GLG1: variants seen among roughly 807,000 people sequenced by gnomAD.
GLG1 encodes the protein golgi glycoprotein 1.
In GLG1, 38 loss-of-function variants were observed where a neutral mutation model predicts 160.5. The ratio of observed to expected loss-of-function variants is 0.24; its 90% confidence interval spans 0.18 to 0.31. The LOEUF is 0.31. Among genes scored for constraint, GLG1 ranks in the 10% least tolerant of loss-of-function variants. The pLI is 1.00. For missense variants in GLG1, 1,373 were observed against 1,505.2 expected (o/e 0.91, Z 1.45); for synonymous variants, 644 against 543.4 (o/e 1.19, Z -2.57).
At chr16:74,533,149 T>C (rs2017592169) in intron 1 of GLG1, among the ~76,000 whole-genome samples, 1 of 151,836 alleles carries the variant, frequency 6.6e-6, no homozygotes, top group Non-Finnish European at 1.5e-5. Context: ...TGAAACCCTG[T>C]CCCTACTAAA....
At chr16:74,516,097 A>G (rs1429902224) in intron 2 of GLG1, among the ~76,000 whole-genome samples, 1 of 151,656 alleles carries the variant, frequency 6.6e-6, no homozygotes, top group Admixed American at 6.6e-5. Flanking sequence ...CTCTCACACA[A>G]TAATAATGGG....
chr16:74,597,970 C>A (rs1022345452), intron 1 of GLG1, among the ~76,000 whole-genome samples: 6 of 151,864 alleles, frequency 4.0e-5, no homozygotes, highest in African/African-American at 1.5e-4. Context: ...GAGCTGAGAT[C>A]ACACCACTGC....
At chr16:74,575,589 C>T (rs1031932226) in intron 1 of GLG1, among the ~76,000 whole-genome samples, 8 of 152,060 alleles carry the variant, frequency 5.3e-5, no homozygotes, top group African/African-American at 1.2e-4. Flanking sequence ...AAAGATCTCT[C>T]GCTCTGTTTT....
In GLG1 at chr16:74,459,798, G is replaced by C; in HGVS notation, c.3037-9C>G. 1 of 1,482,122 alleles carries C rather than the reference G, an allele frequency of 6.7e-7. No individual in the cohort carries two copies. Among genetic ancestry groups the C allele is most frequent in the African/African-American group, 1.4e-5 (1 of 70,790 alleles). 91.8% of individuals were successfully genotyped at this position (1,482,122 alleles called of 1,614,324 possible). ...GCACATAGACTGGAGATCTGTTCAG[G>C]AGACACAAAAAACAAAGCTACCCCA... On this transcript the variant is annotated splice_polypyrimidine_tract_variant and intron_variant, in intron 22 of 25. Transcript: ENST00000422840.
rs930464917 is a variant in GLG1, at chr16:74,503,232, G to A, written c.774+299C>T. 6.3e-4 allele frequency among the ~76,000 whole-genome samples: 95 copies of A among 151,906 alleles called. 3 individuals carry two copies. The highest frequency in any genetic ancestry group is 1.3e-4 in the Non-Finnish European group (9 of 67,960). ...AAAAAAAAAATATTAGAGAACTCAG[G>A]TCTCTCCTTTGCCAGAGGCACATTA... On this transcript the variant is annotated intron_variant, in intron 4 of 25. Transcript: ENST00000422840.
intron 23 of GLG1, among the ~76,000 whole-genome samples, chr16:74,459,301 C>A (rs1020468023): frequency 2.6e-5 from 4 of 152,016 alleles, no homozygotes; most frequent in Non-Finnish European, 4.4e-5. Context: ...ACACAGTGAA[C>A]CCCCGTCTCT....
rs528668573 is a variant in GLG1 at position 74,460,149 on chromosome 16, G to A, written c.3037-360C>T. On this transcript the variant is annotated intron_variant, in intron 22 of 25. Transcript: ENST00000422840. ...TGATTCTCCTGCCTCAGCCTCCTGA[G>A]TAGCTGGAATTACAGGTATGTACCA... is the stretch of plus-strand genomic sequence containing the variant. 1.4e-4 allele frequency among the ~76,000 whole-genome samples: 21 copies of A among 152,164 alleles called. No homozygotes were observed. In the South Asian group the frequency reaches 4.2e-3, roughly 30 times the overall value.
At position 74,506,581 on chromosome 16, in the gene GLG1, C is replaced by CAAAAAAAAAAAAAAAA. The variant is rs56175030; in HGVS notation, c.558+2242_558+2257dup. 3.1e-4 allele frequency among the ~76,000 whole-genome samples: 12 copies of CAAAAAAAAAAAAAAAA among 39,050 alleles called. 1 individual carries two copies. The highest frequency in any genetic ancestry group is 6.6e-4 in the African/African-American group (6 of 9,100). The allele number at this position is 39,050 out of a possible 152,430, so 25.6% of individuals were successfully genotyped here. A position where few individuals can be genotyped will look rare whatever the true frequency, so the allele number is the denominator to read the frequency against. ...TGGGTTACAGAGCAAGACTCCGTCTCAAAAAAAAAAAAAAAAAAAAAAACT... is the reference window on the plus strand; with the variant it reads ...TGGGTTACAGAGCAAGACTCCGTCTCAAAAAAAAAAAAAAAAAAAAAAAAAAAAAAAAAAAAAAACT... On this transcript the variant is annotated intron_variant, in intron 3 of 25. Coordinates refer to ENST00000422840, the MANE Select transcript of GLG1 (RefSeq NM_001145667.2).
chr16:74,474,994 TA>T, intron 12 of GLG1, among the ~76,000 whole-genome samples: 1 of 151,698 alleles, frequency 6.6e-6, no homozygotes, highest in East Asian at 1.9e-4. Context: ...CCATCCCTAC[TA>T]AAAATACAAA....
intron 23 of GLG1, 120 bp from the exon 24 acceptor site, chr16:74,458,114 C>G: frequency 1.1e-6 from 1 of 937,500 alleles, no homozygotes; most frequent in Non-Finnish European, 1.7e-6. Context: ...ACAACAGAGA[C>G]CACTTTGGGA....
intron 1 of GLG1, among the ~76,000 whole-genome samples, chr16:74,572,236 C>A (rs2018849609): frequency 6.6e-6 from 1 of 152,144 alleles, no homozygotes; most frequent in African/African-American, 2.4e-5. Context: ...AGGGGCTGGG[C>A]ACGGTGGCTC....
At chr16:74,517,306 T>A (rs563852142) in intron 2 of GLG1, among the ~76,000 whole-genome samples, 2 of 152,326 alleles carry the variant, frequency 1.3e-5, no homozygotes, top group Non-Finnish European at 2.9e-5. Flanking sequence ...CTCAATAAAA[T>A]ACTGGCAAAC....
chr16:74,563,738 A>G (rs575191424), intron 1 of GLG1, among the ~76,000 whole-genome samples: 1 of 151,804 alleles, frequency 6.6e-6, no homozygotes, highest in African/African-American at 2.4e-5. Context: ...AAAAAAAAAA[A>G]AAGAAAGAAA....
intron 25 of GLG1, among the ~76,000 whole-genome samples, chr16:74,454,688 A>C (rs1567451868): frequency 2.8e-5 from 4 of 144,084 alleles, no homozygotes; most frequent in Non-Finnish European, 4.5e-5. Flanking sequence ...AAAAAAAAAA[A>C]AAAAAAAAAA....
chr16:74,542,719 A>AGGAAGGG (rs1567513862), intron 1 of GLG1, among the ~76,000 whole-genome samples: 7 of 29,018 alleles, frequency 2.4e-4, no homozygotes, highest in Admixed American at 4.3e-4. Context: ...GGAAGAAGGG[A>AGGAAGGG]AGGAAGGAAG....
chr16:74,563,981 T>C (rs978752380), intron 1 of GLG1, among the ~76,000 whole-genome samples: 2 of 152,172 alleles, frequency 1.3e-5, no homozygotes, highest in African/African-American at 4.8e-5. Context: ...CGGACTGCAG[T>C]GGCTCAATCA....
chr16:74,452,013 A>C lies in GLG1; in HGVS notation c.*1154T>G, dbSNP rs2014328488. 7.2e-7 allele frequency: 1 copy of C among 1,394,836 alleles called. No homozygotes were observed. Among genetic ancestry groups the C allele is most frequent in the Admixed American group, 1.7e-5 (1 of 59,736 alleles). 86.4% of individuals were successfully genotyped at this position (1,394,836 alleles called of 1,614,324 possible). ...CCACACCCTCTCCACGTAGAGGCAC[A>C]AAGGAGCTTGTCTGGGAAGTTTGTC... On this transcript the variant is annotated 3_prime_UTR_variant, in exon 26 of 26. Coordinates refer to ENST00000422840, the MANE Select transcript of GLG1 (RefSeq NM_001145667.2).
In GLG1 at chr16:74,474,573, A is replaced by G. The variant is rs774918458; in HGVS notation, c.2025T>C (p.Val675=). The change falls in exon 13 of 26, where the codon GTT becomes GTC. Residue 675 remains valine (V), a synonymous_variant. Coordinates refer to ENST00000422840, the MANE Select transcript of GLG1 (RefSeq NM_001145667.2). ...CTGATTCTAACTCAGTGAGGTTGCC[A>G]ACTATATCTCTACACTCCACCACCA... ...DDLVVECRDI[V]GNLTELESED... 6.4e-7 allele frequency: 1 copy of G among 1,572,926 alleles called. No individual in the cohort carries two copies. The highest frequency in any genetic ancestry group is 2.2e-5 in the East Asian group (1 of 44,734).
chr16:74,530,080 A>G (rs985742023), intron 2 of GLG1, among the ~76,000 whole-genome samples: 2 of 152,086 alleles, frequency 1.3e-5, no homozygotes, highest in Non-Finnish European at 2.9e-5. Context: ...CTGGGATTAC[A>G]GGTGTGGACT....
Sources: allele counts gnomAD v4.1 joint callset (sites outside exome capture counted in the v4.1 genomes callset), GRCh38; gene constraint gnomAD v4.1.1; transcripts MANE v1.5; gene names NCBI Gene and HGNC (gene_info 2026-07-23, HGNC 2026-07-21).